Variants in JAM2 observed in about 807,000 individuals in gnomAD.
The protein encoded by JAM2 is junctional adhesion molecule B.
JAM2 carries 17 observed loss-of-function variants against 42.0 expected under a neutral mutation model. The observed-to-expected ratio is 0.40, with a 90% CI of 0.28 to 0.61. The LOEUF (loss-of-function observed/expected upper bound fraction) is 0.61, where lower values mean the gene tolerates loss of function less well. Ranked by LOEUF, JAM2 falls within the 20% of genes least tolerant of loss-of-function variation. The pLI is 0.37. For missense variants in JAM2, 319 were observed against 358.3 expected, an observed-to-expected ratio of 0.89 and a Z score of 0.89; for synonymous variants, 118 against 128.6, an observed-to-expected ratio of 0.92 and a Z score of 0.56.
At chr21:25,712,485 C>A in intron 9 of JAM2, 103 bp downstream of exon 9, 1 of 788,818 alleles carries the variant, frequency 1.3e-6, no homozygotes, top group Non-Finnish European at 2.1e-6. Context: ...TTTTAATACA[C>A]TTTGCACCAG....
chr21:25,651,198 A>G (rs1238235943), intron 1 of JAM2, among the ~76,000 whole-genome samples: 5 of 152,114 alleles, frequency 3.3e-5, no homozygotes, highest in Admixed American at 3.3e-4. Context: ...GGGAAAGGAT[A>G]TTTGTAAGTT....
At position 25,639,464 on chromosome 21, in the gene JAM2, G is replaced by T. The variant is rs1312438007; in HGVS notation, c.-358G>T. 1 of 210,714 alleles carries T rather than the reference G, an allele frequency of 4.7e-6. No homozygotes were observed. Among genetic ancestry groups the T allele is most frequent in the Admixed American group, 6.0e-5 (1 of 16,794 alleles). 13.1% of individuals were successfully genotyped at this position (210,714 alleles called of 1,614,324 possible). ...AAAGCCGATCAATCCCGGAGGCGTG[G>T]GGGCGGAGGGACGACCCGCCGGGGC... On this transcript the variant is annotated 5_prime_UTR_variant, in exon 1 of 10. Coordinates refer to ENST00000480456, the MANE Select transcript of JAM2 (RefSeq NM_021219.4).
intron 1 of JAM2, among the ~76,000 whole-genome samples, chr21:25,662,304 T>C (rs933652801): frequency 1.3e-5 from 2 of 152,040 alleles, no homozygotes; most frequent in Admixed American, 6.5e-5. Flanking sequence ...CATGCCACCA[T>C]GCCTGGCTAG....
At position 25,661,701 on chromosome 21, in the gene JAM2, A is replaced by G. The variant is rs561731442; in HGVS notation, c.67+21813A>G. 3.3e-5 allele frequency among the ~76,000 whole-genome samples: 5 copies of G among 152,184 alleles called. No homozygotes were observed. In the South Asian group the frequency reaches 1.0e-3, roughly 32 times the overall value. ...TTTCAGGATAATAAAGGAGGCATCA[A>G]AATTTATTATAAAATGAGGGTCTGA... On this transcript the variant is annotated intron_variant, in intron 1 of 9. Coordinates refer to ENST00000480456, the MANE Select transcript of JAM2 (RefSeq NM_021219.4).
At chr21:25,697,350 A>C (rs1376171717) in intron 4 of JAM2, among the ~76,000 whole-genome samples, 1 of 152,200 alleles carries the variant, frequency 6.6e-6, no homozygotes, top group African/African-American at 2.4e-5. Context: ...CTGGAAAAAA[A>C]GTGTATTTAT....
intron 2 of JAM2, among the ~76,000 whole-genome samples, chr21:25,688,525 G>A (rs770611763): frequency 1.3e-5 from 2 of 152,196 alleles, no homozygotes; most frequent in African/African-American, 4.8e-5. Context: ...TGTTTCCTCA[G>A]ACAGGTCCCT....
chr21:25,709,157 T>C (rs1037602207), intron 7 of JAM2, among the ~76,000 whole-genome samples: 4 of 151,606 alleles, frequency 2.6e-5, no homozygotes, highest in East Asian at 1.9e-4. Flanking sequence ...ATTATTATTA[T>C]TATATTTTTA....
Position 25,717,126 on chromosome 21 carries a change from G to GT in JAM2, c.*2455dup, listed in dbSNP as rs1849974357. The GT allele has an allele frequency of 2.6e-5, 4 of 152,694 alleles. No homozygotes were observed. Among genetic ancestry groups the GT allele is most frequent in the Middle Eastern group, 6.8e-3 (2 of 294 alleles). The allele number at this position is 152,694 out of a possible 1,614,324, so 9.5% of individuals were successfully genotyped here. A position where few individuals can be genotyped will look rare whatever the true frequency, so the allele number is the denominator to read the frequency against. ...ATATTGTACATTACCTTAAACTATT[G>GT]TAATAGCTAGGTAAAAATCCTTGTA... is the stretch of plus-strand genomic sequence containing the variant. On this transcript the variant is annotated 3_prime_UTR_variant, in exon 10 of 10. Transcript: ENST00000480456.
At position 25,717,424 on chromosome 21, in the gene JAM2, G is replaced by A; in HGVS notation, c.*2752G>A. 1 of 386,052 alleles carries A rather than the reference G, an allele frequency of 2.6e-6. No individual in the cohort carries two copies. Among genetic ancestry groups the A allele is most frequent in the Non-Finnish European group, 4.5e-6 (1 of 221,124 alleles). 23.9% of individuals were successfully genotyped at this position (386,052 alleles called of 1,614,324 possible). On this transcript the variant is annotated 3_prime_UTR_variant, in exon 10 of 10. Coordinates refer to ENST00000480456, the MANE Select transcript of JAM2 (RefSeq NM_021219.4). Reference sequence around the variant, plus strand: ...TTTTGTTTTAATTATTGTTGCTGTTGTAACTAGATTTAATTTATTTTTAGT... The same window carrying A: ...TTTTGTTTTAATTATTGTTGCTGTTATAACTAGATTTAATTTATTTTTAGT...
In JAM2 at chr21:25,713,782, A is replaced by G. The variant is rs182617134; in HGVS notation, c.865-858A>G. ...TTTATGGAAAGTCTTTGTTTCTGCA[A>G]TTTACAGAAAGTACTCTTGGAGTGT... On this transcript the variant is annotated intron_variant, in intron 9 of 9. Coordinates refer to ENST00000480456, the MANE Select transcript of JAM2 (RefSeq NM_021219.4). Among the ~76,000 whole-genome samples the G allele has an allele frequency of 1.6e-3, 245 of 152,310 alleles. 1 individual carries two copies. In the Middle Eastern group the frequency reaches 0.017, roughly 11 times the overall value.
chr21:25,697,907 CAA>C (rs746185836), intron 4 of JAM2, among the ~76,000 whole-genome samples: 1 of 141,266 alleles, frequency 7.1e-6, no homozygotes, highest in African/African-American at 2.6e-5. Flanking sequence ...GATTCTGTCT[CAA>C]AAAAAAAAAA....
rs553070367 is a variant in JAM2, at chr21:25,677,383, C to G, written c.68-6500C>G. Among the ~76,000 whole-genome samples the G allele has an allele frequency of 3.2e-4, 48 of 152,070 alleles. 1 individual carries two copies. The South Asian group carries it at 9.9e-3, about 32-fold the overall frequency. ...TATTAATATACACATAAAAAATGTA[C>G]AAGGGAATTAACAAAATTCCTGAAG... On this transcript the variant is annotated intron_variant, in intron 1 of 9. Transcript: ENST00000480456.
At chr21:25,671,935 A>AGGG (rs1342621190) in intron 1 of JAM2, among the ~76,000 whole-genome samples, 2 of 152,190 alleles carry the variant, frequency 1.3e-5, no homozygotes, top group Non-Finnish European at 1.5e-5. Context: ...AAACACATTA[A>AGGG]ACTGTTAGTG....
chr21:25,684,267 T>C (rs2829864), intron 2 of JAM2, among the ~76,000 whole-genome samples: 1 of 152,224 alleles, frequency 6.6e-6, no homozygotes. Flanking sequence ...ATATGATACA[T>C]AGAAATGAAC....
At chr21:25,711,314 C>A (rs118078218) in intron 8 of JAM2, 38 of 404,582 alleles carry the variant, frequency 9.4e-5, no homozygotes, top group Non-Finnish European at 1.8e-4. Flanking sequence ...AGCTCCCCAA[C>A]GCCCTGTAGT....
intron 1 of JAM2, among the ~76,000 whole-genome samples, chr21:25,673,735 C>A (rs1205535264): frequency 6.6e-6 from 1 of 152,166 alleles, no homozygotes; most frequent in African/African-American, 2.4e-5. Flanking sequence ...TCCCTGCTTT[C>A]TAAAACACTG....
At chr21:25,696,261 G>A (rs866334443) in intron 4 of JAM2, among the ~76,000 whole-genome samples, 12 of 152,182 alleles carry the variant, frequency 7.9e-5, no homozygotes, top group Non-Finnish European at 7.4e-5. Flanking sequence ...GGCGGCGCGC[G>A]CCTGCAATCC....
At chr21:25,656,924 T>G (rs919769573) in intron 1 of JAM2, among the ~76,000 whole-genome samples, 1 of 152,236 alleles carries the variant, frequency 6.6e-6, no homozygotes, top group Admixed American at 6.5e-5. Context: ...AGACCAGCCT[T>G]TTTCATTATG....
chr21:25,697,007 ATTT>A (rs11348784), intron 4 of JAM2, among the ~76,000 whole-genome samples: 2 of 133,342 alleles, frequency 1.5e-5, no homozygotes, highest in Non-Finnish European at 3.2e-5. Context: ...GCACACACCT[ATTT>A]TTTTTTTTTT....
Sources: allele counts gnomAD v4.1 joint callset (sites outside exome capture counted in the v4.1 genomes callset), GRCh38; gene constraint gnomAD v4.1.1; transcripts MANE v1.5; gene names NCBI Gene and HGNC (gene_info 2026-07-23, HGNC 2026-07-21).